Variants in BBS9 observed in about 807,000 individuals in gnomAD.
BBS9 encodes Bardet-Biedl syndrome 9, also known as protein PTHB1.
In BBS9, 89 loss-of-function variants were observed where a neutral mutation model predicts 117.7. That is an observed-to-expected ratio of 0.76 (90% CI 0.64 to 0.90). The LOEUF (loss-of-function observed/expected upper bound fraction) is 0.90, where lower values mean the gene tolerates loss of function less well. BBS9 is among the 40% of genes least tolerant of loss of function. The pLI is 0.00. For missense variants in BBS9, 982 were observed against 1,042.2 expected (o/e 0.94, Z 0.80); for synonymous variants, 379 against 370.9 (o/e 1.02, Z -0.25).
intron 9 of BBS9, among the ~76,000 whole-genome samples, chr7:33,303,195 C>T (rs1806872953): frequency 6.6e-6 from 1 of 152,128 alleles, no homozygotes; most frequent in Admixed American, 6.5e-5. Flanking sequence ...AATATAAGAT[C>T]TTATTGTCTG....
chr7:33,246,451 G>A (rs1446565984), intron 5 of BBS9, among the ~76,000 whole-genome samples: 2 of 151,830 alleles, frequency 1.3e-5, no homozygotes, highest in East Asian at 1.9e-4. Context: ...TGAAGTTAAC[G>A]CTTTATGGGA....
chr7:33,199,189 A>C (rs189298756), intron 5 of BBS9, among the ~76,000 whole-genome samples: 70 of 152,014 alleles, frequency 4.6e-4, no homozygotes, highest in African/African-American at 1.6e-3. Context: ...CTCTTGCCCA[A>C]CTTCCTGAAA....
intron 19 of BBS9, among the ~76,000 whole-genome samples, chr7:33,398,658 T>C (rs1828409196): frequency 6.6e-6 from 1 of 152,198 alleles, no homozygotes; most frequent in African/African-American, 2.4e-5. Flanking sequence ...GTGAGCCACA[T>C]GTATTATTTT....
At chr7:33,277,347 A>G (rs1488556228) in intron 9 of BBS9, among the ~76,000 whole-genome samples, 1 of 152,142 alleles carries the variant, frequency 6.6e-6, no homozygotes. Context: ...TATCTTGCCA[A>G]CAAAGCACAT....
At chr7:33,238,082 G>A (rs1793828577) in intron 5 of BBS9, among the ~76,000 whole-genome samples, 1 of 152,146 alleles carries the variant, frequency 6.6e-6, no homozygotes, top group Non-Finnish European at 1.5e-5. Context: ...AGTGCTTTTG[G>A]AAAGAGGGAT....
At position 33,544,092 on chromosome 7, in the gene BBS9, T is replaced by C. The variant is rs116169597; in HGVS notation, c.2521+9916T>C. ...AGCTATCTATTTCCATGAATATTTCTCCTTTCACTTCTGGTATCATTTTTT... is the reference window on the plus strand; with the variant it reads ...AGCTATCTATTTCCATGAATATTTCCCCTTTCACTTCTGGTATCATTTTTT... On this transcript the variant is annotated intron_variant, in intron 21 of 22. Transcript: ENST00000242067. Among the ~76,000 whole-genome samples the C allele has an allele frequency of 3.4e-3, 515 of 152,336 alleles. 2 individuals are homozygous for C. The highest frequency in any genetic ancestry group is 0.012 in the African/African-American group (495 of 41,586).
chr7:33,166,820 C>T (rs950406060), intron 4 of BBS9, among the ~76,000 whole-genome samples: 1 of 152,192 alleles, frequency 6.6e-6, no homozygotes, highest in African/African-American at 2.4e-5. Flanking sequence ...GGGATATCCC[C>T]CAACCCCTTG....
In BBS9 at chr7:33,405,235, T is replaced by G. The variant is rs186266199; in HGVS notation, c.2115+17091T>G. ...GGATAAGCTTTTTGATGTGCTGCTG[T>G]ATTCGGTTTGCCAGTATTTTATTGA... On this transcript the variant is annotated intron_variant, in intron 19 of 22. Transcript: ENST00000242067. 5.1e-4 allele frequency among the ~76,000 whole-genome samples: 78 copies of G among 152,296 alleles called. No individual in the cohort carries two copies. The South Asian group carries it at 5.6e-3, about 11-fold the overall frequency.
At chr7:33,295,147 A>T (rs1384077128) in intron 9 of BBS9, among the ~76,000 whole-genome samples, 2 of 152,176 alleles carry the variant, frequency 1.3e-5, no homozygotes, top group African/African-American at 4.8e-5. Flanking sequence ...TAAGGCAAGC[A>T]TACGTATTCT....
At chr7:33,432,310 C>T (rs1234960355) in intron 19 of BBS9, among the ~76,000 whole-genome samples, 2 of 151,226 alleles carry the variant, frequency 1.3e-5, no homozygotes, top group African/African-American at 2.4e-5. Context: ...GGGGTTTCAC[C>T]GTGTTAGCCA....
At chr7:33,284,294 G>A (rs753409790) in intron 9 of BBS9, among the ~76,000 whole-genome samples, 1 of 152,110 alleles carries the variant, frequency 6.6e-6, no homozygotes, top group Admixed American at 6.6e-5. Context: ...TTGGGAGGTG[G>A]TAGTTATTGT....
intron 17 of BBS9, among the ~76,000 whole-genome samples, chr7:33,376,648 A>G (rs1823948279): frequency 6.6e-6 from 1 of 152,306 alleles, no homozygotes; most frequent in Admixed American, 6.5e-5. Context: ...AACTTAATTT[A>G]CACCCCCACC....
intron 19 of BBS9, among the ~76,000 whole-genome samples, chr7:33,472,019 A>C (rs1362227): frequency 0.63 from 94,610 of 150,944 alleles, 31,969 homozygotes; most frequent in African/African-American, 0.89. Context: ...GGCAAAAAAA[A>C]CCCCACTTTC....
At chr7:33,408,283 C>T (rs543954883) in intron 19 of BBS9, among the ~76,000 whole-genome samples, 16 of 152,298 alleles carry the variant, frequency 1.1e-4, no homozygotes, top group African/African-American at 2.6e-4. Context: ...TTCCTAAGCC[C>T]GTCGGAAAAG....
chr7:33,488,988 C>CTTTT (rs869216155), intron 19 of BBS9, among the ~76,000 whole-genome samples: 51 of 103,306 alleles, frequency 4.9e-4, no homozygotes, highest in Non-Finnish European at 6.4e-4. Flanking sequence ...GGACAGACTT[C>CTTTT]TTTTTTTTTT....
At chr7:33,453,536 T>TC (rs1344285098) in intron 19 of BBS9, among the ~76,000 whole-genome samples, 1 of 149,800 alleles carries the variant, frequency 6.7e-6, no homozygotes, top group Non-Finnish European at 1.5e-5. Flanking sequence ...TTTTTTTTTT[T>TC]CTGAGATGGA....
rs1467098489 is a variant in BBS9, at chr7:33,363,928, ATTTTTATTTTTTTTTTTAT to A, written c.1694-3821_1694-3803del. 1.3e-4 allele frequency among the ~76,000 whole-genome samples: 13 copies of A among 101,204 alleles called. 3 individuals are homozygous for A. The highest frequency in any genetic ancestry group is 1.2e-4 in the African/African-American group (3 of 24,884). 66.4% of individuals were successfully genotyped at this position (101,204 alleles called of 152,430 possible). On this transcript the variant is annotated intron_variant, in intron 16 of 22. Coordinates refer to ENST00000242067, the MANE Select transcript of BBS9 (RefSeq NM_198428.3). Reference sequence around the variant, plus strand: ...TCATGATATATTATCTTTTCACTATATTTTTATTTTTTTTTTTATTTTTTATTTTTTTTTTTTTGAGACG... The same window carrying A: ...TCATGATATATTATCTTTTCACTATATTTTTATTTTTTTTTTTTTGAGACG...
intron 7 of BBS9, among the ~76,000 whole-genome samples, chr7:33,268,215 G>A (rs927873967): frequency 3.9e-5 from 6 of 152,176 alleles, no homozygotes; most frequent in African/African-American, 2.4e-5. Flanking sequence ...CCCTGGCCTT[G>A]TGTGGTTTCC....
intron 19 of BBS9, among the ~76,000 whole-genome samples, chr7:33,400,392 A>G (rs1828709459): frequency 6.6e-6 from 1 of 152,150 alleles, no homozygotes; most frequent in East Asian, 1.9e-4. Flanking sequence ...CTGTAATTGT[A>G]TGAGGATTTC....
Sources: gnomAD v4.1 joint callset for allele counts (sites outside exome capture counted in the v4.1 genomes callset) on GRCh38, gnomAD v4.1.1 for gene constraint, MANE v1.5 for transcripts, NCBI Gene and HGNC (gene_info 2026-07-23, HGNC 2026-07-21) for gene names.